The following RASEF variants were observed in gnomAD, a reference collection of about 807,000 sequenced individuals.
The protein encoded by RASEF is RAS and EF-hand domain containing, also known as ras and EF-hand domain-containing protein.
In RASEF, 68 loss-of-function variants were observed where a neutral mutation model predicts 90.1. The observed-to-expected ratio is 0.75, with a 90% CI of 0.62 to 0.92. The LOEUF (loss-of-function observed/expected upper bound fraction) is 0.92. RASEF is among the 40% of genes least tolerant of loss of function. The pLI is 0.00. For synonymous variants in RASEF, 331 were observed against 345.2 expected, an observed-to-expected ratio of 0.96 and a Z score of 0.46; for missense variants, 949 against 937.2, an observed-to-expected ratio of 1.01 and a Z score of -0.16.
At chr9:83,178,971 A>T in the RASEF span, among the ~76,000 whole-genome samples, 3 of 151,964 alleles carry the variant, frequency 2.0e-5, no homozygotes, top group Admixed American at 1.3e-4. Flanking sequence ...TGATTATTTT[A>T]CCCCTCTCCA....
At chr9:83,032,104 A>C (rs998582804) in intron 1 of RASEF, among the ~76,000 whole-genome samples, 1 of 152,248 alleles carries the variant, frequency 6.6e-6, no homozygotes, top group East Asian at 1.9e-4. Context: ...GGATTTCTCA[A>C]CTCAATAAAC....
the RASEF span, among the ~76,000 whole-genome samples, chr9:83,068,882 GGTT>G: frequency 1.3e-5 from 2 of 152,214 alleles, no homozygotes; most frequent in Non-Finnish European, 2.9e-5. Flanking sequence ...GAACATGACA[GGTT>G]GTTGCACTGG....
chr9:83,009,288 T>C (rs538452283), intron 6 of RASEF, among the ~76,000 whole-genome samples: 3 of 152,140 alleles, frequency 2.0e-5, no homozygotes, highest in Non-Finnish European at 4.4e-5. Flanking sequence ...CACACGAAAA[T>C]AGACTTGCCT....
chr9:83,090,385 C>T, the RASEF span, among the ~76,000 whole-genome samples: 2 of 151,778 alleles, frequency 1.3e-5, no homozygotes, highest in African/African-American at 2.4e-5. Flanking sequence ...TGCTTTCTTT[C>T]CCCTGTGTGT....
chr9:83,202,418 G>C, the RASEF span, among the ~76,000 whole-genome samples: 1 of 152,094 alleles, frequency 6.6e-6, no homozygotes, highest in Non-Finnish European at 1.5e-5. Context: ...ACATTGTAAT[G>C]ATAGAAAGCT....
intron 1 of RASEF, among the ~76,000 whole-genome samples, chr9:83,057,075 C>G (rs1442745231): frequency 6.6e-6 from 1 of 152,188 alleles, no homozygotes; most frequent in Non-Finnish European, 1.5e-5. Flanking sequence ...TGCACAGATT[C>G]ACAAAAGGCC....
At chr9:83,023,744 G>A (rs866811642) in intron 2 of RASEF, among the ~76,000 whole-genome samples, 48 of 152,118 alleles carry the variant, frequency 3.2e-4, no homozygotes, top group African/African-American at 1.1e-3. Context: ...CGGTTTTTTG[G>A]TCAACTCTGG....
chr9:83,145,103 G>A, the RASEF span, among the ~76,000 whole-genome samples: 1 of 152,056 alleles, frequency 6.6e-6, no homozygotes, highest in Non-Finnish European at 1.5e-5. Context: ...ATCTTTGGAG[G>A]TGCCTCTTCA....
chr9:83,092,620 A>G, the RASEF span, among the ~76,000 whole-genome samples: 58 of 152,284 alleles, frequency 3.8e-4, no homozygotes, highest in South Asian at 5.8e-3. Flanking sequence ...AGTGAGCAGT[A>G]GCGAGATTTA....
chr9:83,078,673 AAAAAG>A, the RASEF span, among the ~76,000 whole-genome samples: 1 of 151,756 alleles, frequency 6.6e-6, no homozygotes, highest in Admixed American at 6.6e-5. Flanking sequence ...AAAGAAAAAA[AAAAAG>A]AGAGAGAGAG....
chr9:83,208,302 C>CT, the RASEF span, among the ~76,000 whole-genome samples: 1 of 152,294 alleles, frequency 6.6e-6, no homozygotes, highest in South Asian at 2.1e-4. Flanking sequence ...TACCAGTGTG[C>CT]TACCCCTTGT....
At chr9:83,044,310 G>A (rs1374876008) in intron 1 of RASEF, among the ~76,000 whole-genome samples, 1 of 152,164 alleles carries the variant, frequency 6.6e-6, no homozygotes, top group Non-Finnish European at 1.5e-5. Flanking sequence ...TGTTTGTGTG[G>A]CTTGCTGGAC....
the RASEF span, among the ~76,000 whole-genome samples, chr9:83,153,413 C>T: frequency 1.3e-5 from 2 of 152,160 alleles, no homozygotes; most frequent in Non-Finnish European, 2.9e-5. Flanking sequence ...AAGGAGCCCA[C>T]CATTTATATT....
At chr9:83,207,796 T>C in the RASEF span, among the ~76,000 whole-genome samples, 1 of 152,034 alleles carries the variant, frequency 6.6e-6, no homozygotes, top group African/African-American at 2.4e-5. Context: ...TTAGTAGAGA[T>C]GGGATTTCGC....
the RASEF span, among the ~76,000 whole-genome samples, chr9:83,202,735 T>C: frequency 3.3e-5 from 5 of 152,144 alleles, no homozygotes; most frequent in Non-Finnish European, 7.3e-5. Flanking sequence ...TCACCTCAGG[T>C]GATCCTCCCA....
intron 15 of RASEF, among the ~76,000 whole-genome samples, 199 bp from the exon 16 acceptor site, chr9:82,990,666 T>C (rs1828797324): frequency 6.6e-6 from 1 of 152,184 alleles, no homozygotes; most frequent in African/African-American, 2.4e-5. Flanking sequence ...AAGTTCCTAG[T>C]TGGAGGACTT....
chr9:83,076,143 G>A, the RASEF span, among the ~76,000 whole-genome samples: 2 of 151,052 alleles, frequency 1.3e-5, no homozygotes, highest in Admixed American at 1.3e-4. Flanking sequence ...ACTACAGCCT[G>A]GTGACAGAGC....
the RASEF span, chr9:83,201,311 G>A: frequency 6.6e-6 from 1 of 152,240 alleles, no homozygotes; most frequent in Non-Finnish European, 1.5e-5. Context: ...ACAAGCAAAA[G>A]CCCATCCAGG....
At chr9:83,068,035 C>A (rs1273598444), upstream of RASEF, among the ~76,000 whole-genome samples, 1 of 152,116 alleles carries the variant, frequency 6.6e-6, no homozygotes, top group Admixed American at 6.5e-5. Context: ...CACCACTACT[C>A]CCAGTTAATT....
Sources: allele counts gnomAD v4.1 joint callset (sites outside exome capture counted in the v4.1 genomes callset), GRCh38; gene constraint gnomAD v4.1.1; transcripts MANE v1.5; gene names NCBI Gene and HGNC (gene_info 2026-07-23, HGNC 2026-07-21).